Variants in KHDRBS2 observed in about 807,000 individuals in gnomAD.
KHDRBS2 encodes KH RNA binding domain containing, signal transduction associated 2.
A neutral mutation model predicts 44.3 loss-of-function variants in KHDRBS2; 26 were observed. The observed-to-expected ratio is 0.59, with a 90% CI of 0.43 to 0.81. KHDRBS2 has a LOEUF of 0.81. Among genes scored for constraint, KHDRBS2 ranks in the 40% least tolerant of loss-of-function variants. The probability of loss-of-function intolerance (pLI) is 0.00; values close to 1 mark genes in which losing one functional copy is unlikely to be tolerated. For synonymous variants in KHDRBS2, 194 were observed against 151.1 expected, an observed-to-expected ratio of 1.28 and a Z score of -2.08; for missense variants, 476 against 433.1, an observed-to-expected ratio of 1.10 and a Z score of -0.88.
chr6:62,132,132 G>A (rs1346476239), intron 2 of KHDRBS2, among the ~76,000 whole-genome samples: 1 of 152,046 alleles, frequency 6.6e-6, no homozygotes, highest in African/African-American at 2.4e-5. Flanking sequence ...TTGTAAGGAA[G>A]GTAAAAGTTC....
At chr6:61,585,209 T>TA in the KHDRBS2 span, among the ~76,000 whole-genome samples, 830 of 150,926 alleles carry the variant, frequency 5.5e-3, 8 homozygotes, top group African/African-American at 0.019. Flanking sequence ...GAAAGAGTGA[T>TA]AAAAAAAAAT....
chr6:62,211,575 T>C (rs1456513656), intron 1 of KHDRBS2, among the ~76,000 whole-genome samples: 1 of 152,218 alleles, frequency 6.6e-6, no homozygotes, highest in Non-Finnish European at 1.5e-5. Context: ...CTTGTGATGA[T>C]GATATTTTTG....
At chr6:61,774,400 T>G (rs1380492390) in intron 6 of KHDRBS2, among the ~76,000 whole-genome samples, 1 of 152,098 alleles carries the variant, frequency 6.6e-6, no homozygotes, top group Non-Finnish European at 1.5e-5. Context: ...GAAAACTGCA[T>G]TGTCTCAGCC....
chr6:62,102,554 C>T (rs961484470), intron 2 of KHDRBS2, among the ~76,000 whole-genome samples: 1 of 152,202 alleles, frequency 6.6e-6, no homozygotes, highest in African/African-American at 2.4e-5. Context: ...AGTGGGGTGG[C>T]AGGAAATGTG....
chr6:61,882,606 TAACTC>T (rs1275165485), intron 6 of KHDRBS2, among the ~76,000 whole-genome samples: 3 of 152,030 alleles, frequency 2.0e-5, no homozygotes, highest in Non-Finnish European at 2.9e-5. Context: ...GAAATAGTCT[TAACTC>T]AAATCTTGAG....
intron 6 of KHDRBS2, among the ~76,000 whole-genome samples, chr6:61,865,488 T>C (rs1797644521): frequency 6.6e-6 from 1 of 152,002 alleles, no homozygotes; most frequent in Non-Finnish European, 1.5e-5. Flanking sequence ...ATGAAACTTA[T>C]TCACTGTCAC....
intron 1 of KHDRBS2, among the ~76,000 whole-genome samples, chr6:62,257,990 T>C (rs761341101): frequency 8.6e-5 from 13 of 151,958 alleles, no homozygotes; most frequent in African/African-American, 1.2e-4. Flanking sequence ...AAATCCAAAA[T>C]CTGAAATGCT....
At chr6:61,602,593 C>T in the KHDRBS2 span, among the ~76,000 whole-genome samples, 2 of 152,160 alleles carry the variant, frequency 1.3e-5, no homozygotes, top group Non-Finnish European at 2.9e-5. Flanking sequence ...GCCCGATCGC[C>T]TCAGAAGCCC....
intron 6 of KHDRBS2, among the ~76,000 whole-genome samples, chr6:61,773,417 T>G (rs1198693671): frequency 1.3e-5 from 2 of 151,238 alleles, no homozygotes; most frequent in Middle Eastern, 3.2e-3. Context: ...TTTCATGTGT[T>G]TTTTTGGCTG....
At chr6:61,627,722 C>A in the KHDRBS2 span, among the ~76,000 whole-genome samples, 1 of 152,304 alleles carries the variant, frequency 6.6e-6, no homozygotes, top group Admixed American at 6.5e-5. Context: ...ATGGATGATT[C>A]ATGTTTGGAA....
At chr6:61,960,128 C>T (rs1371187985) in intron 4 of KHDRBS2, among the ~76,000 whole-genome samples, 1 of 151,992 alleles carries the variant, frequency 6.6e-6, no homozygotes, top group African/African-American at 2.4e-5. Context: ...TGTGATGATC[C>T]CCAGGGCTCA....
At chr6:62,224,855 T>G (rs1310498348) in intron 1 of KHDRBS2, among the ~76,000 whole-genome samples, 1 of 152,138 alleles carries the variant, frequency 6.6e-6, no homozygotes, top group Non-Finnish European at 1.5e-5. Context: ...ATCCAAATAT[T>G]AGTAGAAAGA....
chr6:61,777,038 A>T (rs1782160796), intron 6 of KHDRBS2, among the ~76,000 whole-genome samples: 1 of 152,108 alleles, frequency 6.6e-6, no homozygotes, highest in Non-Finnish European at 1.5e-5. Flanking sequence ...TATCACAAGG[A>T]CAAAAAACCA....
intron 2 of KHDRBS2, among the ~76,000 whole-genome samples, chr6:62,097,501 A>G (rs984089544): frequency 1.3e-5 from 2 of 152,040 alleles, no homozygotes; most frequent in African/African-American, 4.8e-5. Context: ...CTCTTTTTAC[A>G]GTTTTATATT....
At chr6:62,161,584 G>T (rs950296288) in intron 2 of KHDRBS2, among the ~76,000 whole-genome samples, 4 of 118,560 alleles carry the variant, frequency 3.4e-5, no homozygotes, top group Non-Finnish European at 6.9e-5. Flanking sequence ...GGGGGGGGGG[G>T]GGGTCCCAGA....
intron 1 of KHDRBS2, among the ~76,000 whole-genome samples, chr6:62,212,464 G>A (rs1829225274): frequency 6.6e-6 from 1 of 151,830 alleles, no homozygotes; most frequent in African/African-American, 2.4e-5. Context: ...ATACATTAAA[G>A]TTCTAACCCT....
intron 2 of KHDRBS2, among the ~76,000 whole-genome samples, chr6:62,049,070 C>G (rs1788394082): frequency 6.6e-6 from 1 of 151,602 alleles, no homozygotes; most frequent in African/African-American, 2.4e-5. Flanking sequence ...TTTCCCAAGT[C>G]CAGAATAAAA....
chr6:62,047,795 G>A, intron 3 of KHDRBS2, 83 bp downstream of exon 3: 2 of 839,700 alleles, frequency 2.4e-6, no homozygotes, highest in Non-Finnish European at 4.2e-6. Context: ...TGAAAGAGCA[G>A]TTCAGGCATG....
At chr6:61,882,421 G>A (rs190764835) in intron 6 of KHDRBS2, among the ~76,000 whole-genome samples, 1 of 152,064 alleles carries the variant, frequency 6.6e-6, no homozygotes, top group African/African-American at 2.4e-5. Context: ...AAGCCCATCA[G>A]GATATTCTCC....
Sources: allele counts gnomAD v4.1 joint callset (sites outside exome capture counted in the v4.1 genomes callset), GRCh38; gene constraint gnomAD v4.1.1; transcripts MANE v1.5; gene names NCBI Gene and HGNC (gene_info 2026-07-23, HGNC 2026-07-21).